The following GASK1A variants were observed in gnomAD, a reference collection of about 807,000 sequenced individuals.
The protein encoded by GASK1A is Golgi-associated kinase 1A.
In GASK1A, 40 loss-of-function variants were observed where a neutral mutation model predicts 41.2. The ratio of observed to expected loss-of-function variants is 0.97; its 90% CI spans 0.75 to 1.27. The LOEUF (loss-of-function observed/expected upper bound fraction) is 1.27, where lower values mean the gene tolerates loss of function less well. Ranked by LOEUF, GASK1A falls within the 50% of genes most tolerant of loss-of-function variation. The pLI is 0.00. For synonymous variants in GASK1A, 316 were observed against 307.1 expected (o/e 1.03, Z -0.30); for missense variants, 678 against 745.1 (o/e 0.91, Z 1.05).
At chr3:43,047,325 G>A (rs752256666) in intron 2 of GASK1A, among the ~76,000 whole-genome samples, 23 of 152,224 alleles carry the variant, frequency 1.5e-4, no homozygotes, top group Non-Finnish European at 2.9e-5. Flanking sequence ...GACTAATACA[G>A]GTGGGATGAT....
intron 1 of GASK1A, among the ~76,000 whole-genome samples, chr3:43,001,061 C>A (rs986887862): frequency 1.3e-5 from 2 of 152,162 alleles, no homozygotes; most frequent in Non-Finnish European, 2.9e-5. Context: ...AGAGCTCTCT[C>A]CTTGGCTTCT....
chr3:43,009,533 G>C (rs1427793209), intron 1 of GASK1A, among the ~76,000 whole-genome samples: 2 of 152,226 alleles, frequency 1.3e-5, no homozygotes, highest in Admixed American at 6.5e-5. Flanking sequence ...CTGGAGGCCA[G>C]AGTTGGAATC....
intron 1 of GASK1A, among the ~76,000 whole-genome samples, chr3:42,985,588 G>GTGTGT (rs1559395438): frequency 4.1e-5 from 4 of 96,564 alleles, no homozygotes; most frequent in African/African-American, 1.1e-4. Context: ...TGTGTGTGTG[G>GTGTGT]GCGGAGGCAG....
At position 43,053,596 on chromosome 3, in the gene GASK1A, C is replaced by T. The variant is rs1212728053; in HGVS notation, c.1366C>T (p.Arg456Ter). The T allele has an allele frequency of 1.1e-5, 17 of 1,551,544 alleles. No homozygotes were observed. The highest frequency in any genetic ancestry group is 2.4e-5 in the East Asian group (1 of 40,924). The change falls in exon 3 of 5, where the codon CGA becomes TGA. Residue 456 changes from arginine (R) to a stop codon, truncating the protein, a stop_gained. Transcript: ENST00000430121. LOFTEE classifies it high-confidence loss of function. Reference protein sequence around the residue: ...PSDPCVEERLREKCQNPAELR... With the variant: ...PSDPCVEERL The stretch of plus-strand genomic sequence containing the variant: ...AGACCCCTGTGTGGAAGAGAGGCTC[C>T]GAGAGAAATGCCAGAACCCAGCCGA...
intron 2 of GASK1A, among the ~76,000 whole-genome samples, chr3:43,036,078 G>A (rs2089602615): frequency 6.6e-6 from 1 of 152,242 alleles, no homozygotes; most frequent in African/African-American, 2.4e-5. Context: ...GCTGCTCTCT[G>A]CTCCACACAG....
At chr3:42,979,945 A>G (rs1250317698) in intron 1 of GASK1A, among the ~76,000 whole-genome samples, 1 of 152,078 alleles carries the variant, frequency 6.6e-6, no homozygotes, top group Admixed American at 6.5e-5. Flanking sequence ...CATGCAATCC[A>G]CAAGGCAGGG....
intron 2 of GASK1A, among the ~76,000 whole-genome samples, chr3:43,045,658 G>A (rs2125690770): frequency 6.6e-6 from 1 of 152,282 alleles, no homozygotes; most frequent in South Asian, 2.1e-4. Flanking sequence ...TGAAAGCATG[G>A]AGTAGGCTCA....
At chr3:42,981,538 A>G (rs150714538) in intron 1 of GASK1A, among the ~76,000 whole-genome samples, 18 of 152,292 alleles carry the variant, frequency 1.2e-4, no homozygotes, top group Non-Finnish European at 2.5e-4. Flanking sequence ...TGAACAACTA[A>G]AAAGGTGTGG....
intron 1 of GASK1A, among the ~76,000 whole-genome samples, chr3:42,996,578 C>T (rs1466239842): frequency 6.6e-6 from 1 of 152,120 alleles, no homozygotes; most frequent in East Asian, 1.9e-4. Flanking sequence ...AATCAAGGCC[C>T]AAGGTCACAC....
intron 1 of GASK1A, among the ~76,000 whole-genome samples, chr3:43,024,291 C>A (rs2089535732): frequency 6.6e-6 from 1 of 152,150 alleles, no homozygotes; most frequent in African/African-American, 2.4e-5. Context: ...TATTCAATTT[C>A]AGTTAGCTTA....
intron 1 of GASK1A, among the ~76,000 whole-genome samples, chr3:42,996,791 G>T (rs1262866499): frequency 2.6e-5 from 4 of 152,258 alleles, no homozygotes; most frequent in Non-Finnish European, 5.9e-5. Context: ...GGACTGAGGG[G>T]TGTTCCCTGT....
rs2089596973 is a variant in GASK1A, at chr3:43,034,835, C to T, written c.1290+1282C>T. Among the ~76,000 whole-genome samples the T allele has an allele frequency of 2.6e-5, 4 of 152,274 alleles. No homozygotes were observed. In the South Asian group the frequency reaches 8.3e-4, roughly 32 times the overall value. ...GCAGCCTGAGCTGAGCATCTGCTGC[C>T]CCCTTTGGAGGTTGCCATACTCTCC... is the stretch of plus-strand genomic sequence containing the variant. On this transcript the variant is annotated intron_variant, in intron 2 of 4. Coordinates refer to ENST00000430121, the MANE Select transcript of GASK1A (RefSeq NM_001129908.3).
At chr3:43,023,314 G>T (rs2089530853) in intron 1 of GASK1A, among the ~76,000 whole-genome samples, 1 of 152,216 alleles carries the variant, frequency 6.6e-6, no homozygotes, top group Admixed American at 6.5e-5. Flanking sequence ...GCCTTTGGAG[G>T]TAGCACGGCC....
At position 42,984,704 on chromosome 3, in the gene GASK1A, G is replaced by A. The variant is rs1186882808; in HGVS notation, c.3+5059G>A. Among the ~76,000 whole-genome samples the A allele has an allele frequency of 1.3e-5, 2 of 152,200 alleles. No homozygotes were observed. Among genetic ancestry groups the A allele is most frequent in the African/African-American group, 4.8e-5 (2 of 41,456 alleles). On this transcript the variant is annotated intron_variant, in intron 1 of 4. Transcript: ENST00000430121. This position sits in a 1 kb window ranked among gnomAD's most constrained non-coding sequence, Gnocchi z 4.2. ...GACTTTATTCTAAAGCTTAGCTTAG[G>A]GGAAGAGGTACAGGCTCCTGCCTTT...
chr3:42,989,182 G>A lies in GASK1A; in HGVS notation c.3+9537G>A, dbSNP rs143553556. Among the ~76,000 whole-genome samples the A allele has an allele frequency of 4.7e-3, 721 of 152,258 alleles. 1 individual carries two copies. The highest frequency in any genetic ancestry group is 8.2e-3 in the Non-Finnish European group (555 of 68,028). ...ATAATGTGATAACTCTTACTGGCCAGGTGGAAGGAAAGGGGGAAACGTCGA... is the reference window on the plus strand; with the variant it reads ...ATAATGTGATAACTCTTACTGGCCAAGTGGAAGGAAAGGGGGAAACGTCGA... On this transcript the variant is annotated intron_variant, in intron 1 of 4. Transcript: ENST00000430121.
chr3:43,056,033 G>T, intron 4 of GASK1A, 143 bp from the exon 5 acceptor site: 1 of 660,194 alleles, frequency 1.5e-6, no homozygotes. Flanking sequence ...AGCAGGTGCA[G>T]GTCTGGGGAG....
At chr3:42,987,928 G>A (rs1249397544) in intron 1 of GASK1A, among the ~76,000 whole-genome samples, 1 of 144,884 alleles carries the variant, frequency 6.9e-6, no homozygotes, top group African/African-American at 2.5e-5. Context: ...GAATCCAGGA[G>A]GCAGAGGCTG....
At chr3:42,988,810 G>C (rs906834158) in intron 1 of GASK1A, among the ~76,000 whole-genome samples, 2 of 152,224 alleles carry the variant, frequency 1.3e-5, no homozygotes, top group African/African-American at 4.8e-5. Context: ...ACATGCTCCA[G>C]GGCTGTCCCT....
chr3:43,032,791 G>A lies in GASK1A; in HGVS notation c.528G>A (p.Gly176=). 1 of 1,550,882 alleles carries A rather than the reference G, an allele frequency of 6.4e-7. No homozygotes were observed. Among genetic ancestry groups the A allele is most frequent in the Non-Finnish European group, 8.7e-7 (1 of 1,147,004 alleles). ...EVVTLVSPLP[G]SDMAALPAWR... is the part of the protein sequence containing the mutation. ...TCACCCTGGTCAGTCCACTCCCAGGGAGTGACATGGCAGCTTTACCGGCTT... is the reference window on the plus strand; with the variant it reads ...TCACCCTGGTCAGTCCACTCCCAGGAAGTGACATGGCAGCTTTACCGGCTT... Residue 176 remains glycine (G), a synonymous_variant, in exon 2 of 5, where the codon GGG becomes GGA. Transcript: ENST00000430121.
Sources: gnomAD v4.1 joint callset for allele counts (sites outside exome capture counted in the v4.1 genomes callset) on GRCh38, gnomAD v4.1.1 for gene constraint, Gnocchi (gnomAD v3.1) non-coding constraint, MANE v1.5 for transcripts, NCBI Gene and HGNC (gene_info 2026-07-23, HGNC 2026-07-21) for gene names.